The following PRDM1 variants were observed in gnomAD, a reference collection of about 807,000 sequenced individuals.
PRDM1 encodes PR domain zinc finger protein 1.
In PRDM1, 13 loss-of-function variants were observed where a neutral mutation model predicts 62.8. That is an observed-to-expected ratio of 0.21 (90% CI 0.13 to 0.33). The LOEUF (loss-of-function observed/expected upper bound fraction) is 0.33. PRDM1 is among the 10% of genes least tolerant of loss of function. The probability of loss-of-function intolerance (pLI) is 1.00; values close to 1 mark genes in which losing one functional copy is unlikely to be tolerated. For synonymous variants in PRDM1, 396 were observed against 417.6 expected (o/e 0.95, Z 0.63); for missense variants, 895 against 1,058.8 (o/e 0.85, Z 2.15).
rs569496431 is a variant in PRDM1, at chr6:106,029,958, T to G, written c.-67+36319T>G. On this transcript the variant is annotated intron_variant, in intron 1 of 6. Coordinates refer to the PRDM1 transcript ENST00000652320. Reference sequence around the variant, plus strand: ...TTTGCGTTTCCCTCATGACTAATGATGTTGAACATCATTTCATGGGCTTAT... The same window carrying G: ...TTTGCGTTTCCCTCATGACTAATGAGGTTGAACATCATTTCATGGGCTTAT... Among the ~76,000 whole-genome samples the G allele has an allele frequency of 9.2e-5, 14 of 152,348 alleles. No individual in the cohort carries two copies. The East Asian group carries it at 2.7e-3, about 29-fold the overall frequency.
upstream of PRDM1, among the ~76,000 whole-genome samples, chr6:106,047,727 T>A (rs779807591): frequency 2.0e-5 from 3 of 152,196 alleles, no homozygotes; most frequent in Non-Finnish European, 2.9e-5. Flanking sequence ...AGAAAACCAT[T>A]TCTGGTGACA....
intron 1 of PRDM1, among the ~76,000 whole-genome samples, chr6:106,040,157 C>G (rs1434744012): frequency 6.6e-6 from 1 of 152,264 alleles, no homozygotes; most frequent in Non-Finnish European, 1.5e-5. Flanking sequence ...ATCTGCTTAA[C>G]TCTTTCTTAT....
chr6:106,098,200 G>C (rs926653483), intron 3 of PRDM1: 15 of 985,178 alleles, frequency 1.5e-5, no homozygotes, highest in Non-Finnish European at 1.8e-5. Flanking sequence ...ACTGCAAGTC[G>C]CAGATCACAC....
intron 1 of PRDM1, among the ~76,000 whole-genome samples, chr6:106,029,713 C>T (rs187139419): frequency 5.5e-4 from 83 of 152,098 alleles, no homozygotes; most frequent in South Asian, 2.1e-3. Flanking sequence ...CTCAGGTGAT[C>T]CTCCTACCTC....
intron 1 of PRDM1, among the ~76,000 whole-genome samples, chr6:106,042,242 C>T (rs1039054427): frequency 3.3e-5 from 5 of 151,082 alleles, no homozygotes; most frequent in Admixed American, 2.6e-4. Flanking sequence ...AGTGTGGGGC[C>T]GGGCATGGTG....
chr6:106,004,900 T>C (rs1313408585), intron 1 of PRDM1, among the ~76,000 whole-genome samples: 1 of 152,222 alleles, frequency 6.6e-6, no homozygotes, highest in African/African-American at 2.4e-5. Flanking sequence ...AAAAATGATA[T>C]ATTTGTGGAA....
In PRDM1 at chr6:106,107,456, A is replaced by G; in HGVS notation, c.2448A>G (p.Lys816=). Residue 816 remains lysine, a synonymous_variant, in exon 7 of 7, where the codon AAA becomes AAG. Coordinates refer to ENST00000369096, the MANE Select transcript of PRDM1 (RefSeq NM_001198.4). ...NPLPLVPVKV[K]QETVEPMDP is the part of the protein sequence containing the mutation. ...TACCTCTGGTACCTGTAAAGGTCAA[A>G]CAAGAAACAGTTGAACCAATGGATC... is the stretch of plus-strand genomic sequence containing the variant. 1 of 1,608,440 alleles carries G rather than the reference A, an allele frequency of 6.2e-7. No individual in the cohort carries two copies. Among genetic ancestry groups the G allele is most frequent in the Non-Finnish European group, 8.5e-7 (1 of 1,177,432 alleles).
chr6:106,048,123 A>G (rs145062381), upstream of PRDM1, among the ~76,000 whole-genome samples: 1 of 151,964 alleles, frequency 6.6e-6, no homozygotes, highest in Non-Finnish European at 1.5e-5. Context: ...GTCAAAAACA[A>G]TATCTTGCAC....
rs117098921 is a variant in PRDM1, at chr6:106,092,065, A to G, written c.292-3550A>G. Among the ~76,000 whole-genome samples, 610 of 148,806 alleles carry G rather than the reference A, an allele frequency of 4.1e-3. 5 individuals are homozygous for G. Among genetic ancestry groups the G allele is most frequent in the Non-Finnish European group, 7.3e-3 (495 of 67,514 alleles). On this transcript the variant is annotated intron_variant, in intron 2 of 6. Coordinates refer to ENST00000369096, the MANE Select transcript of PRDM1 (RefSeq NM_001198.4). Reference sequence around the variant, plus strand: ...ATGATCAGATGACATTTAGACTTGGATATAGTTTCTGCTTCAAACCCACGC... The same window carrying G: ...ATGATCAGATGACATTTAGACTTGGGTATAGTTTCTGCTTCAAACCCACGC...
intron 1 of PRDM1, among the ~76,000 whole-genome samples, chr6:106,029,899 A>G (rs567031366): frequency 6.6e-6 from 1 of 152,088 alleles, no homozygotes; most frequent in African/African-American, 2.4e-5. Context: ...GATTACAGGC[A>G]TGAGCCACTG....
chr6:106,074,479 C>T (rs897408041), intron 1 of PRDM1, among the ~76,000 whole-genome samples: 11 of 151,958 alleles, frequency 7.2e-5, no homozygotes, highest in African/African-American at 2.7e-4. Flanking sequence ...TGTATTTGTT[C>T]CCAAACTAGA....
In PRDM1 at chr6:106,038,014, C is replaced by CT. The variant is rs1227783243; in HGVS notation, c.-67+44395dup. Among the ~76,000 whole-genome samples the CT allele has an allele frequency of 3.9e-3, 186 of 47,786 alleles. 41 individuals are homozygous for CT. The highest frequency in any genetic ancestry group is 0.022 in the Middle Eastern group (1 of 46). 31.3% of individuals were successfully genotyped at this position (47,786 alleles called of 152,430 possible). ...CTTTCCTATGGTTTGCTATTTTTGT[C>CT]TTTTTTTTTTTTTTTTTTTTGAGAC... is the stretch of plus-strand genomic sequence containing the variant. On this transcript the variant is annotated intron_variant, in intron 1 of 6. Coordinates refer to the PRDM1 transcript ENST00000652320.
upstream of PRDM1, among the ~76,000 whole-genome samples, chr6:105,993,216 T>C (rs944412788): frequency 3.3e-5 from 5 of 152,256 alleles, no homozygotes; most frequent in African/African-American, 9.6e-5. Context: ...TTAAAGGAAC[T>C]GAAGTCCTAA....
At chr6:106,015,220 G>C (rs1772604898) in intron 1 of PRDM1, among the ~76,000 whole-genome samples, 1 of 152,120 alleles carries the variant, frequency 6.6e-6, no homozygotes, top group Admixed American at 6.5e-5. Flanking sequence ...TTTTCCCCCA[G>C]GGCAAGTCAG....
rs1175059315 is a variant in PRDM1 at position 106,070,785 on chromosome 6, G to A, written c.-66-17416G>A. ...ATTTGAATAGTAACCCTATGGCATA[G>A]TGCTTCTATCTTTTGTGCATTTGAC... is the stretch of plus-strand genomic sequence containing the variant. On this transcript the variant is annotated intron_variant, in intron 1 of 6. Transcript: ENST00000651185. Among the ~76,000 whole-genome samples, 12 of 152,152 alleles carry A rather than the reference G, an allele frequency of 7.9e-5. No individual in the cohort carries two copies. In the East Asian group the frequency reaches 2.1e-3, roughly 27 times the overall value.
chr6:106,040,292 T>C (rs1312179377), intron 1 of PRDM1, among the ~76,000 whole-genome samples: 5 of 152,196 alleles, frequency 3.3e-5, no homozygotes, highest in Non-Finnish European at 7.3e-5. Context: ...GATTGATTTG[T>C]CCTCTTCTCT....
At chr6:106,073,410 C>T (rs931191106) in intron 1 of PRDM1, among the ~76,000 whole-genome samples, 3 of 152,022 alleles carry the variant, frequency 2.0e-5, no homozygotes, top group African/African-American at 2.4e-5. Context: ...CCACAGCACC[C>T]GGCCTCAATT....
At chr6:106,005,084 TGAAA>T (rs1772468305) in intron 1 of PRDM1, among the ~76,000 whole-genome samples, 1 of 152,236 alleles carries the variant, frequency 6.6e-6, no homozygotes, top group Admixed American at 6.5e-5. Context: ...TTCTTAAGGC[TGAAA>T]GAATGACACA....
intron 1 of PRDM1, among the ~76,000 whole-genome samples, chr6:106,002,238 G>C (rs2114543112): frequency 6.6e-6 from 1 of 152,284 alleles, no homozygotes; most frequent in African/African-American, 2.4e-5. Flanking sequence ...TGTTACTTGA[G>C]AGCTGCCCTT....
Sources: gnomAD v4.1 joint callset for allele counts (sites outside exome capture counted in the v4.1 genomes callset) on GRCh38, gnomAD v4.1.1 for gene constraint, MANE v1.5 for transcripts, NCBI Gene and HGNC (gene_info 2026-07-23, HGNC 2026-07-21) for gene names.